The following VTI1A variants were observed in gnomAD, a reference collection of about 807,000 sequenced individuals.
VTI1A encodes vesicle transport through interaction with t-SNAREs 1A.
Under a neutral mutation model 34.9 loss-of-function variants are expected in VTI1A, and 22 were observed. That is an observed-to-expected ratio of 0.63 (90% confidence interval 0.45 to 0.90). VTI1A has a LOEUF of 0.90. Among genes scored for constraint, VTI1A ranks in the 40% least tolerant of loss-of-function variants. The pLI, the probability that VTI1A is intolerant of heterozygous loss-of-function variation, is 0.00. For missense variants in VTI1A, 268 were observed against 275.6 expected (o/e 0.97, Z 0.20); for synonymous variants, 87 against 97.3 (o/e 0.89, Z 0.62).
intron 5 of VTI1A, among the ~76,000 whole-genome samples, chr10:112,594,920 G>T (rs61872364): frequency 0.09 from 13,538 of 150,548 alleles, 695 homozygotes; most frequent in Non-Finnish European, 0.11. Flanking sequence ...ATACTACAAG[G>T]CTACAGTAAC....
chr10:112,709,378 G>T (rs1849319455), intron 7 of VTI1A, among the ~76,000 whole-genome samples: 1 of 151,942 alleles, frequency 6.6e-6, no homozygotes, highest in Non-Finnish European at 1.5e-5. Context: ...TGCCCCCCTG[G>T]TGCTGTGGGC....
At chr10:112,500,564 A>G (rs1210897088) in intron 3 of VTI1A, among the ~76,000 whole-genome samples, 1 of 152,362 alleles carries the variant, frequency 6.6e-6, no homozygotes, top group South Asian at 2.1e-4. Flanking sequence ...AAATTTGGAA[A>G]TAGCTAAAGC....
At chr10:112,705,036 CAGG>C (rs1377709276) in intron 7 of VTI1A, among the ~76,000 whole-genome samples, 1 of 151,728 alleles carries the variant, frequency 6.6e-6, no homozygotes, top group Non-Finnish European at 1.5e-5. Flanking sequence ...TACAGGACTG[CAGG>C]CACGTGCCAC....
chr10:112,556,491 T>C (rs1156926226), intron 5 of VTI1A, among the ~76,000 whole-genome samples: 1 of 152,036 alleles, frequency 6.6e-6, no homozygotes, highest in South Asian at 2.1e-4. Flanking sequence ...AAATCTGTTC[T>C]AGAAAATGGT....
At chr10:112,751,308 AG>A (rs962329597) in intron 7 of VTI1A, among the ~76,000 whole-genome samples, 1 of 152,172 alleles carries the variant, frequency 6.6e-6, no homozygotes, top group Non-Finnish European at 1.5e-5. Flanking sequence ...ATGACCTGCC[AG>A]GGCACGTAGA....
chr10:112,603,461 T>A (rs2120928), intron 5 of VTI1A, among the ~76,000 whole-genome samples: 80,992 of 151,950 alleles, frequency 0.53, 21,933 homozygotes, highest in Admixed American at 0.64. Flanking sequence ...TTAATTTAAT[T>A]TTGTTTTATG....
chr10:112,600,376 G>A (rs932626841), intron 5 of VTI1A, among the ~76,000 whole-genome samples: 4 of 152,086 alleles, frequency 2.6e-5, no homozygotes, highest in East Asian at 1.9e-4. Flanking sequence ...CGTCTTTAAC[G>A]TGGTCCACAA....
chr10:112,550,635 C>T (rs1851314294), intron 5 of VTI1A, among the ~76,000 whole-genome samples: 1 of 152,014 alleles, frequency 6.6e-6, no homozygotes, highest in Admixed American at 6.6e-5. Flanking sequence ...ATATGTTTTT[C>T]CAAGTAAAGT....
intron 3 of VTI1A, among the ~76,000 whole-genome samples, chr10:112,487,753 C>G (rs1456339016): frequency 1.3e-5 from 2 of 152,158 alleles, no homozygotes; most frequent in African/African-American, 4.8e-5. Context: ...GCCATCCCCT[C>G]TACTTTATAT....
chr10:112,537,058 C>G (rs79054189), intron 4 of VTI1A, among the ~76,000 whole-genome samples: 1 of 151,674 alleles, frequency 6.6e-6, no homozygotes, highest in African/African-American at 2.4e-5. Context: ...TCGTTTCGCT[C>G]GACAGCCACT....
intron 3 of VTI1A, among the ~76,000 whole-genome samples, chr10:112,506,335 A>T (rs777848939): frequency 6.6e-6 from 1 of 152,206 alleles, no homozygotes; most frequent in African/African-American, 2.4e-5. Flanking sequence ...TAAGCAACAC[A>T]TGACTGTAGG....
intron 3 of VTI1A, among the ~76,000 whole-genome samples, chr10:112,487,686 ATG>A (rs1243335480): frequency 6.6e-6 from 1 of 152,056 alleles, no homozygotes; most frequent in Non-Finnish European, 1.5e-5. Flanking sequence ...CTTGTAACCT[ATG>A]GCCTTCTGTA....
At chr10:112,534,852 G>A (rs548992355) in intron 4 of VTI1A, among the ~76,000 whole-genome samples, 1 of 152,260 alleles carries the variant, frequency 6.6e-6, no homozygotes, top group South Asian at 2.1e-4. Context: ...TCATGTTTAG[G>A]TGAAGAATCT....
At chr10:112,718,372 T>C (rs749999327) in intron 7 of VTI1A, among the ~76,000 whole-genome samples, 14 of 152,244 alleles carry the variant, frequency 9.2e-5, no homozygotes, top group Non-Finnish European at 2.1e-4. Context: ...GATTTTGGGC[T>C]CAAGGAACTT....
chr10:112,546,656 TAACAC>T (rs1851141536), intron 5 of VTI1A, among the ~76,000 whole-genome samples: 3 of 151,684 alleles, frequency 2.0e-5, no homozygotes, highest in Non-Finnish European at 4.4e-5. Flanking sequence ...TCTCTATATT[TAACAC>T]TACTCACATC....
intron 5 of VTI1A, among the ~76,000 whole-genome samples, chr10:112,556,755 G>A (rs1851557346): frequency 2.0e-5 from 3 of 151,894 alleles, no homozygotes; most frequent in Admixed American, 2.0e-4. Flanking sequence ...TGTTTTTCAA[G>A]CGATGAATGC....
chr10:112,822,751 C>A (rs1037818288), downstream of VTI1A, among the ~76,000 whole-genome samples: 4 of 152,190 alleles, frequency 2.6e-5, no homozygotes, highest in Non-Finnish European at 5.9e-5. Flanking sequence ...TCACTGAGCT[C>A]ATTATTATCC....
chr10:112,530,435 A>G (rs1213875558), intron 4 of VTI1A, among the ~76,000 whole-genome samples: 1 of 152,230 alleles, frequency 6.6e-6, no homozygotes, highest in Non-Finnish European at 1.5e-5. Context: ...TTCTCATAAA[A>G]GGAAAAACAC....
chr10:112,557,415 T>C (rs1851576241), intron 5 of VTI1A, among the ~76,000 whole-genome samples: 1 of 152,172 alleles, frequency 6.6e-6, no homozygotes, highest in African/African-American at 2.4e-5. Flanking sequence ...AAGATAGTAT[T>C]GAGTGATAAG....
Sources: allele counts gnomAD v4.1 joint callset (sites outside exome capture counted in the v4.1 genomes callset), GRCh38; gene constraint gnomAD v4.1.1; transcripts MANE v1.5; gene names NCBI Gene and HGNC (gene_info 2026-07-23, HGNC 2026-07-21).